Variants in DAPL1 observed in about 807,000 individuals in gnomAD.
DAPL1 encodes death-associated protein-like 1.
DAPL1 carries 17 observed loss-of-function variants against 12.9 expected under a neutral mutation model. That is an observed-to-expected ratio of 1.32 (90% CI 0.90 to 1.98). DAPL1 has a LOEUF of 1.98. Ranked by LOEUF, DAPL1 falls within the 30% of genes most tolerant of loss-of-function variation. DAPL1 has a pLI of 0.00. For synonymous variants in DAPL1, 51 were observed against 42.0 expected (o/e 1.21, Z -0.82); for missense variants, 157 against 125.7 (o/e 1.25, Z -1.19).
At position 158,805,690 on chromosome 2, in the gene DAPL1, T is replaced by C. The variant is rs538496262; in HGVS notation, c.146+1321T>C. Among the ~76,000 whole-genome samples the C allele has an allele frequency of 2.7e-5, 4 of 148,582 alleles. No individual in the cohort carries two copies. In the South Asian group the frequency reaches 8.4e-4, roughly 31 times the overall value. ...TCTCTGCATCTCAGAAAAATGGGAC[T>C]TACTATTAATTCTAACATCCACTGA... On this transcript the variant is annotated intron_variant, in intron 2 of 3. Coordinates refer to ENST00000309950, the MANE Select transcript of DAPL1 (RefSeq NM_001017920.3).
chr2:158,812,151 C>A (rs941100114), intron 3 of DAPL1, among the ~76,000 whole-genome samples: 1 of 152,214 alleles, frequency 6.6e-6, no homozygotes, highest in African/African-American at 2.4e-5. Flanking sequence ...CTGCTCTGGG[C>A]ACCCCAAAAG....
intron 1 of DAPL1, among the ~76,000 whole-genome samples, chr2:158,799,139 G>T (rs372613884): frequency 6.6e-6 from 1 of 152,078 alleles, no homozygotes; most frequent in Admixed American, 6.5e-5. Flanking sequence ...CATTTTCCCC[G>T]CTTAAATTTA....
At chr2:158,807,728 A>G (rs908586779) in intron 3 of DAPL1, 3 of 151,914 alleles carry the variant, frequency 2.0e-5, no homozygotes, top group Admixed American at 6.6e-5. Flanking sequence ...GCTCACTGCA[A>G]CCTCCACCTC....
At chr2:158,797,748 G>A (rs918287451) in intron 1 of DAPL1, among the ~76,000 whole-genome samples, 2 of 151,588 alleles carry the variant, frequency 1.3e-5, no homozygotes, top group South Asian at 2.1e-4. Flanking sequence ...CAGAGATCAC[G>A]CCACTGCACT....
intron 1 of DAPL1, among the ~76,000 whole-genome samples, chr2:158,798,928 G>A (rs1042878726): frequency 6.6e-6 from 1 of 152,056 alleles, no homozygotes; most frequent in African/African-American, 2.4e-5. Flanking sequence ...ATGGATTTGT[G>A]AAGGAAAAAG....
chr2:158,803,512 A>G (rs1250825201), intron 1 of DAPL1, among the ~76,000 whole-genome samples: 1 of 152,220 alleles, frequency 6.6e-6, no homozygotes, highest in African/African-American at 2.4e-5. Flanking sequence ...TAGATGTGCA[A>G]ATTTCCTGGG....
chr2:158,795,574 G>A (rs1434018456), intron 1 of DAPL1, 144 bp downstream of exon 1: 22 of 785,940 alleles, frequency 2.8e-5, no homozygotes, highest in Non-Finnish European at 4.0e-5. Flanking sequence ...TTCCTCTTAT[G>A]TCTTTGATCC....
intron 3 of DAPL1, among the ~76,000 whole-genome samples, chr2:158,810,876 C>G (rs13415791): frequency 6.6e-6 from 1 of 152,154 alleles, no homozygotes; most frequent in African/African-American, 2.4e-5. Flanking sequence ...CAAGTTCCAC[C>G]CACTACTTAG....
chr2:158,799,589 C>G (rs2059154771), intron 1 of DAPL1, among the ~76,000 whole-genome samples: 1 of 152,010 alleles, frequency 6.6e-6, no homozygotes, highest in Non-Finnish European at 1.5e-5. Context: ...GTTCAGTCAC[C>G]CCAGTGTAGT....
At position 158,812,794 on chromosome 2, in the gene DAPL1, C is replaced by CAA. The variant is rs148850724; in HGVS notation, c.208-2897_208-2896dup. ...TGGGTGACAGAGCAAAACCTCAGCT[C>CAA]AAAAAAAAAAAAAAAGCAAAGAGAA... On this transcript the variant is annotated intron_variant, in intron 3 of 3. Transcript: ENST00000309950. Among the ~76,000 whole-genome samples the CAA allele has an allele frequency of 3.9e-3, 490 of 124,400 alleles. 7 individuals are homozygous for CAA. Among genetic ancestry groups the CAA allele is most frequent in the Middle Eastern group, 0.017 (4 of 242 alleles). 81.6% of individuals were successfully genotyped at this position (124,400 alleles called of 152,430 possible).
intron 3 of DAPL1, among the ~76,000 whole-genome samples, chr2:158,814,581 A>C (rs1301726604): frequency 6.6e-6 from 1 of 152,228 alleles, no homozygotes; most frequent in Non-Finnish European, 1.5e-5. Context: ...AGAAGAAAGG[A>C]CTTTTTGGAG....
intron 2 of DAPL1, among the ~76,000 whole-genome samples, chr2:158,805,485 G>T (rs138839339): frequency 8.2e-6 from 1 of 122,388 alleles, no homozygotes; most frequent in Non-Finnish European, 2.0e-5. Flanking sequence ...ATCAGACTGC[G>T]ATTGAATTGC....
intron 2 of DAPL1, 74 bp downstream of exon 2, chr2:158,804,443 C>A: frequency 6.5e-6 from 7 of 1,072,656 alleles, no homozygotes; most frequent in Admixed American, 4.7e-5. Flanking sequence ...TATTTTAGGA[C>A]AAACCAAGGC....
chr2:158,813,567 T>C (rs1487268283), intron 3 of DAPL1, among the ~76,000 whole-genome samples: 115 of 150,910 alleles, frequency 7.6e-4, no homozygotes, highest in African/African-American at 2.3e-3. Context: ...CTTTTTTTTT[T>C]TTTTTTGAGA....
rs1415098697 is a variant in DAPL1 at position 158,804,329 on chromosome 2, T to C, written c.106T>C (p.Leu36=). 6.2e-7 allele frequency: 1 copy of C among 1,611,746 alleles called. No individual in the cohort carries two copies. The highest frequency in any genetic ancestry group is 1.6e-4 in the Middle Eastern group (1 of 6,078). Residue 36 remains leucine, a synonymous_variant, in exon 2 of 4, where the codon TTG becomes CTG. Coordinates refer to ENST00000309950, the MANE Select transcript of DAPL1 (RefSeq NM_001017920.3). ...RISKKQEIGT[L]ERHTKKTGFE... ...TTCCAAAAAACAAGAAATTGGCACC[T>C]TGGAAAGACATACCAAAAAAACAGG...
chr2:158,805,586 G>A (rs991261607), intron 2 of DAPL1, among the ~76,000 whole-genome samples: 2 of 130,034 alleles, frequency 1.5e-5, no homozygotes, highest in Admixed American at 1.5e-4. Flanking sequence ...TAACCTGCCT[G>A]AGCCAGTGGC....
chr2:158,811,742 C>T (rs978256802), intron 3 of DAPL1, among the ~76,000 whole-genome samples: 1 of 152,254 alleles, frequency 6.6e-6, no homozygotes, highest in East Asian at 1.9e-4. Flanking sequence ...TTCTCTTACC[C>T]TAATGAATGA....
At chr2:158,805,248 A>G (rs1363328864) in intron 2 of DAPL1, among the ~76,000 whole-genome samples, 2 of 152,158 alleles carry the variant, frequency 1.3e-5, no homozygotes, top group Non-Finnish European at 2.9e-5. Context: ...ATTGCTTCCT[A>G]ATTTCTGGGA....
intron 3 of DAPL1, among the ~76,000 whole-genome samples, chr2:158,809,759 G>A (rs188047901): frequency 2.6e-4 from 40 of 152,290 alleles, no homozygotes; most frequent in African/African-American, 9.1e-4. Context: ...CAGGTAAAGC[G>A]TAAGGCACCA....
Sources: gnomAD v4.1 joint callset for allele counts (sites outside exome capture counted in the v4.1 genomes callset) on GRCh38, gnomAD v4.1.1 for gene constraint, MANE v1.5 for transcripts, NCBI Gene and HGNC (gene_info 2026-07-23, HGNC 2026-07-21) for gene names.